Variants in WDHD1 observed in about 807,000 individuals in gnomAD.
WDHD1 encodes WD repeat and HMG-box DNA-binding protein 1.
In WDHD1, 111 loss-of-function variants were observed where a neutral mutation model predicts 135.4. That is an observed-to-expected ratio of 0.82 (90% CI 0.70 to 0.96). WDHD1 has a LOEUF of 0.96. Ranked by LOEUF, WDHD1 falls within the 40% of genes least tolerant of loss-of-function variation. The pLI is 0.00. For missense variants in WDHD1, 1,351 were observed against 1,336.3 expected, an observed-to-expected ratio of 1.01 and a Z score of -0.17; for synonymous variants, 434 against 439.0, an observed-to-expected ratio of 0.99 and a Z score of 0.14.
intron 15 of WDHD1, among the ~76,000 whole-genome samples, chr14:54,984,207 G>C (rs1370620380): frequency 2.0e-5 from 3 of 152,132 alleles, no homozygotes; most frequent in Non-Finnish European, 4.4e-5. Context: ...CATGAAGAGA[G>C]CTCTTAGCCG....
intron 25 of WDHD1, among the ~76,000 whole-genome samples, chr14:54,943,018 G>A (rs2040863013): frequency 6.6e-6 from 1 of 152,146 alleles, no homozygotes; most frequent in Non-Finnish European, 1.5e-5. Flanking sequence ...ACCAGTTTCT[G>A]GCTTCCTCAT....
At chr14:54,964,779 G>A (rs2041315323) in intron 18 of WDHD1, among the ~76,000 whole-genome samples, 1 of 152,160 alleles carries the variant, frequency 6.6e-6, no homozygotes, top group African/African-American at 2.4e-5. Context: ...ATATCCTCCT[G>A]CCCTGGCATC....
At chr14:54,950,910 C>G (rs79590152) in intron 24 of WDHD1, among the ~76,000 whole-genome samples, 2 of 152,018 alleles carry the variant, frequency 1.3e-5, no homozygotes, top group Non-Finnish European at 2.9e-5. Flanking sequence ...GGGTACATAA[C>G]GAAATGAAGG....
intron 16 of WDHD1, among the ~76,000 whole-genome samples, chr14:54,977,648 G>A (rs546862577): frequency 1.3e-5 from 2 of 152,128 alleles, no homozygotes; most frequent in Non-Finnish European, 2.9e-5. Flanking sequence ...GTCCAGCCTG[G>A]ATAACGTAAG....
chr14:55,008,700 C>A lies in WDHD1; in HGVS notation c.361G>T (p.Val121Leu), dbSNP rs2042113493. Residue 121 changes from valine (V) to leucine (L), a missense_variant, in exon 5 of 26, where the codon GTG (valine) becomes TTG (leucine). Around this residue, in one of 2 missense-constraint regions of WDHD1, gnomAD observed 1,330 missense variants for 1,296.1 expected, o/e 1.03. Transcript: ENST00000360586. ...TGTTGGCTGCTATCCATCACATCCA[C>A]AATTTTGACTAGAAAATCACTAAGA... ...AGSSDFLVKIVDVMDSSQQKT... is the reference protein window; with the variant it reads ...AGSSDFLVKILDVMDSSQQKT... The A allele has an allele frequency of 6.2e-7, 1 of 1,611,296 alleles. No homozygotes were observed. The highest frequency in any genetic ancestry group is 8.5e-7 in the Non-Finnish European group (1 of 1,179,266).
At chr14:54,984,589 T>G in intron 15 of WDHD1, 134 bp downstream of exon 15, 2 of 797,134 alleles carry the variant, frequency 2.5e-6, no homozygotes, top group Middle Eastern at 4.3e-4. Flanking sequence ...CATATTAAAA[T>G]AGAAATTTAA....
At chr14:54,994,339 T>C (rs1029606472) in intron 11 of WDHD1, among the ~76,000 whole-genome samples, 1 of 152,200 alleles carries the variant, frequency 6.6e-6, no homozygotes, top group African/African-American at 2.4e-5. Flanking sequence ...AATATTGCCA[T>C]TATGCCTTTG....
rs187029363 is a variant in WDHD1, at chr14:55,013,667, A to C, written c.78-71T>G. The C allele has an allele frequency of 1.4e-5, 17 of 1,184,220 alleles. No homozygotes were observed. The Admixed American group carries it at 2.4e-4, about 17-fold the overall frequency. The allele number at this position is 1,184,220 out of a possible 1,614,324, so 73.4% of individuals were successfully genotyped here. On this transcript the variant is annotated intron_variant, in intron 2 of 25. Coordinates refer to ENST00000360586, the MANE Select transcript of WDHD1 (RefSeq NM_007086.4). ...ATGCCTATAATGCTAGCACTTTGGGAGTACAAGGTGGGAGGATTGCTTGAG... is the reference window on the plus strand; with the variant it reads ...ATGCCTATAATGCTAGCACTTTGGGCGTACAAGGTGGGAGGATTGCTTGAG...
intron 7 of WDHD1, chr14:55,004,921 G>C (rs558748071): frequency 1.9e-6 from 1 of 528,914 alleles, no homozygotes; most frequent in East Asian, 5.0e-5. Context: ...GGAGGGAACT[G>C]CTAAATAGGC....
Position 54,998,038 on chromosome 14 carries a change from C to A in WDHD1, c.943-2225G>T, listed in dbSNP as rs572953808. Among the ~76,000 whole-genome samples the A allele has an allele frequency of 1.1e-4, 17 of 151,760 alleles. No individual in the cohort carries two copies. The East Asian group carries it at 3.1e-3, about 28-fold the overall frequency. ...ACCAGCCTGGCTAACATGGTGAAAC[C>A]CTGTCTCTACTAAAAATACAAAAAA... On this transcript the variant is annotated intron_variant, in intron 10 of 25. Transcript: ENST00000360586.
rs559936368 is a variant in WDHD1 at position 55,009,566 on chromosome 14, G to A, written c.341+743C>T. On this transcript the variant is annotated intron_variant, in intron 4 of 25. Transcript: ENST00000360586. ...CCTGCCTCAGCCTCCCAAGTAGCCG[G>A]GATTATAGGCACCCGCTACTATGCC... is the stretch of plus-strand genomic sequence containing the variant. Among the ~76,000 whole-genome samples the A allele has an allele frequency of 9.9e-5, 15 of 151,942 alleles. No homozygotes were observed. The East Asian group carries it at 2.9e-3, about 29-fold the overall frequency.
At chr14:54,995,452 CT>C in intron 11 of WDHD1, 150 bp downstream of exon 11, 1 of 565,464 alleles carries the variant, frequency 1.8e-6, no homozygotes. Context: ...GATTTGAAAC[CT>C]TTTTTAACAA....
chr14:54,993,029 A>C, intron 11 of WDHD1, among the ~76,000 whole-genome samples: 1 of 152,350 alleles, frequency 6.6e-6, no homozygotes, highest in East Asian at 1.9e-4. Flanking sequence ...ACTTCAGTGA[A>C]CCAATATTAT....
Position 54,939,818 on chromosome 14 carries a change from G to C in WDHD1, c.*1672C>G, listed in dbSNP as rs1398237699. ...CACAGATTATATCCTTAAGCATTAGGTTGGCACAAAAGAAATCGCGGTTTT... is the reference window on the plus strand; with the variant it reads ...CACAGATTATATCCTTAAGCATTAGCTTGGCACAAAAGAAATCGCGGTTTT... On this transcript the variant is annotated 3_prime_UTR_variant, in exon 26 of 26. Transcript: ENST00000360586. 1 of 152,088 alleles carries C rather than the reference G, an allele frequency of 6.6e-6. No individual in the cohort carries two copies. The highest frequency in any genetic ancestry group is 6.6e-5 in the Admixed American group (1 of 15,264). The allele number at this position is 152,088 out of a possible 1,614,324, so 9.4% of individuals were successfully genotyped here.
chr14:54,975,648 C>G (rs143591181), intron 16 of WDHD1, among the ~76,000 whole-genome samples: 10 of 152,030 alleles, frequency 6.6e-5, no homozygotes, highest in African/African-American at 2.2e-4. Context: ...TGCACCCAAC[C>G]TCATATTCAT....
intron 11 of WDHD1, among the ~76,000 whole-genome samples, chr14:54,992,380 C>T (rs1208186832): frequency 3.3e-5 from 5 of 152,134 alleles, no homozygotes; most frequent in Non-Finnish European, 5.9e-5. Flanking sequence ...ATCCCAGCTA[C>T]TCAGGAGGCT....
intron 7 of WDHD1, among the ~76,000 whole-genome samples, chr14:55,003,292 T>C (rs991921131): frequency 6.6e-6 from 1 of 151,968 alleles, no homozygotes; most frequent in African/African-American, 2.4e-5. Context: ...GGCAGATCAC[T>C]AGAGCTCAGG....
chr14:55,024,085 A>T (rs1259866826), intron 2 of WDHD1, among the ~76,000 whole-genome samples: 1 of 152,156 alleles, frequency 6.6e-6, no homozygotes, highest in African/African-American at 2.4e-5. Flanking sequence ...AAATTGTTAG[A>T]AACTGCCAAA....
At chr14:55,002,647 C>G (rs1017682618) in intron 7 of WDHD1, among the ~76,000 whole-genome samples, 2 of 152,046 alleles carry the variant, frequency 1.3e-5, no homozygotes, top group Non-Finnish European at 2.9e-5. Context: ...GCTCTGTCAC[C>G]CAGGCTGGAG....
Sources: gnomAD v4.1 joint callset for allele counts (sites outside exome capture counted in the v4.1 genomes callset) on GRCh38, gnomAD v4.1.1 for gene constraint, gnomAD v4.1.1 regional missense constraint, MANE v1.5 for transcripts, NCBI Gene and HGNC (gene_info 2026-07-23, HGNC 2026-07-21) for gene names.